The following ZNF709 variants were observed in gnomAD, a reference collection of about 807,000 sequenced individuals.
The protein encoded by ZNF709 is zinc finger protein 709.
Under a neutral mutation model 10.6 loss-of-function variants are expected in ZNF709, and 15 were observed. The observed-to-expected ratio is 1.41, with a 90% CI of 0.95 to 2.18. ZNF709 has a LOEUF of 2.18. Ranked by LOEUF, ZNF709 falls within the 30% of genes most tolerant of loss-of-function variation. The probability of loss-of-function intolerance (pLI) is 0.00; values close to 1 mark genes in which losing one functional copy is unlikely to be tolerated. For synonymous variants in ZNF709, 194 were observed against 238.8 expected, an observed-to-expected ratio of 0.81 and a Z score of 1.73; for missense variants, 589 against 774.0, an observed-to-expected ratio of 0.76 and a Z score of 2.84.
At chr19:12,483,307 A>ATTTT (rs35777030) in intron 1 of ZNF709, among the ~76,000 whole-genome samples, 40 of 95,222 alleles carry the variant, frequency 4.2e-4, no homozygotes, top group South Asian at 6.3e-4. Flanking sequence ...CGCCCAGCTA[A>ATTTT]TTTTTTTTTT....
chr19:12,469,908 A>T (rs1970620885), intron 1 of ZNF709, among the ~76,000 whole-genome samples: 1 of 152,292 alleles, frequency 6.6e-6, no homozygotes, highest in Non-Finnish European at 1.5e-5. Context: ...GTACCCTGAG[A>T]CTTAACGAAT....
At chr19:12,478,154 TCC>T (rs921322757) in intron 1 of ZNF709, among the ~76,000 whole-genome samples, 3 of 151,826 alleles carry the variant, frequency 2.0e-5, no homozygotes, top group African/African-American at 7.3e-5. Context: ...CAGCTGCCTT[TCC>T]CCCTCTCTTT....
In ZNF709 at chr19:12,461,326, T is replaced by C. The variant is rs910878913; in HGVS notation, c.*2670A>G. On this transcript the variant is annotated 3_prime_UTR_variant, in exon 4 of 4. Coordinates refer to ENST00000397732, the MANE Select transcript of ZNF709 (RefSeq NM_152601.4). ...TTGTTCAACAAAAACATACACATGGTTTTTAATCACATATAATGAAACAAA... is the reference window on the plus strand; with the variant it reads ...TTGTTCAACAAAAACATACACATGGCTTTTAATCACATATAATGAAACAAA... 6 of 152,178 alleles carry C rather than the reference T, an allele frequency of 3.9e-5. No homozygotes were observed. The South Asian group carries it at 1.2e-3, about 32-fold the overall frequency. 9.4% of individuals were successfully genotyped at this position (152,178 alleles called of 1,614,324 possible).
Position 12,465,212 on chromosome 19 carries a change from C to G in ZNF709, c.710G>C (p.Ser237Thr), listed in dbSNP as rs1269251232. The G allele has an allele frequency of 1.2e-6, 2 of 1,613,048 alleles. No homozygotes were observed. Among genetic ancestry groups the G allele is most frequent in the South Asian group, 2.2e-5 (2 of 91,042 alleles). Reference protein sequence around the residue: ...KECGKTFSHPSSFRNHERTHS... With the variant: ...KECGKTFSHPTSFRNHERTHS... The stretch of plus-strand genomic sequence containing the variant: ...AGTTCTTTCATGATTTCGAAAAGAA[C>G]TGGGATGACTGAACGTTTTCCCGCA... Residue 237 changes from serine (S) to threonine (T), a missense_variant, in exon 4 of 4, where the codon AGT (serine) becomes ACT (threonine). Physicochemically the swap from Ser to Thr is moderately conservative, Grantham distance 58. Around this residue, in one of 2 missense-constraint regions of ZNF709, gnomAD observed 418 missense variants for 496.3 expected, o/e 0.84. Transcript: ENST00000397732.
chr19:12,484,531 A>G (rs1970761497), intron 1 of ZNF709, 124 bp downstream of exon 1: 2 of 1,329,206 alleles, frequency 1.5e-6, no homozygotes, highest in Non-Finnish European at 2.1e-6. Flanking sequence ...CTGCGCCAGG[A>G]GGACTCGGGT....
intron 1 of ZNF709, among the ~76,000 whole-genome samples, chr19:12,468,084 C>T (rs1356056132): frequency 6.6e-6 from 1 of 150,464 alleles, no homozygotes; most frequent in Non-Finnish European, 1.5e-5. Context: ...GGGGTCAGCC[C>T]CCGCCCGGCC....
chr19:12,481,209 A>C (rs945767798), intron 1 of ZNF709: 2 of 983,390 alleles, frequency 2.0e-6, no homozygotes, highest in African/African-American at 1.7e-5. Flanking sequence ...AAAGAAACAA[A>C]TATTCTGTTT....
chr19:12,465,768 G>C, intron 3 of ZNF709, 35 bp from the exon 4 acceptor site: 2 of 1,393,294 alleles, frequency 1.4e-6, no homozygotes, highest in Non-Finnish European at 1.9e-6. Context: ...CGCACAATTA[G>C]TGGCTTTTTA....
intron 1 of ZNF709, among the ~76,000 whole-genome samples, chr19:12,481,754 T>A (rs1170327800): frequency 1.3e-5 from 2 of 150,184 alleles, no homozygotes; most frequent in Admixed American, 6.6e-5. Flanking sequence ...TACAAAAAAT[T>A]TACAAATTCA....
chr19:12,469,661 C>T (rs1970618321), intron 1 of ZNF709, among the ~76,000 whole-genome samples: 1 of 151,824 alleles, frequency 6.6e-6, no homozygotes, highest in South Asian at 2.1e-4. Flanking sequence ...CCCAGCTACT[C>T]AGGAGGCTGA....
chr19:12,484,437 C>A (rs1970760099), intron 1 of ZNF709, among the ~76,000 whole-genome samples: 2 of 152,194 alleles, frequency 1.3e-5, no homozygotes, highest in Admixed American at 1.3e-4. Flanking sequence ...GGGCCGCAGT[C>A]GCCGCGCAGG....
chr19:12,463,904 G>T lies in ZNF709; in HGVS notation c.*92C>A. 1 of 1,159,934 alleles carries T rather than the reference G, an allele frequency of 8.6e-7. No individual in the cohort carries two copies. The highest frequency in any genetic ancestry group is 1.1e-6 in the Non-Finnish European group (1 of 877,162). The allele number at this position is 1,159,934 out of a possible 1,614,324, so 71.9% of individuals were successfully genotyped here. On this transcript the variant is annotated 3_prime_UTR_variant, in exon 4 of 4. Coordinates refer to ENST00000397732, the MANE Select transcript of ZNF709 (RefSeq NM_152601.4). ...ATCACTCTACTGCACTCCAGCCAGG[G>T]CAACAGAGTGAGAATTCAACTCAAA...
intron 1 of ZNF709, among the ~76,000 whole-genome samples, chr19:12,467,941 G>GC (rs1387123990): frequency 1.3e-5 from 2 of 151,600 alleles, no homozygotes; most frequent in East Asian, 3.9e-4. Context: ...GTGGGGGTCA[G>GC]CCCCCGCACG....
intron 1 of ZNF709, among the ~76,000 whole-genome samples, chr19:12,472,795 A>G (rs1436563631): frequency 6.6e-6 from 1 of 151,658 alleles, no homozygotes; most frequent in East Asian, 1.9e-4. Context: ...AGACACGAGG[A>G]TTGCTTGAGC....
In ZNF709 at chr19:12,466,502, T is replaced by C. The variant is rs769667285; in HGVS notation, c.148A>G (p.Lys50Glu). Residue 50 changes from lysine to glutamate, a missense_variant, in exon 3 of 4, where the codon AAG becomes GAG. Around this residue, in one of 2 missense-constraint regions of ZNF709, gnomAD observed 418 missense variants for 496.3 expected, o/e 0.84. Coordinates refer to ENST00000397732, the MANE Select transcript of ZNF709 (RefSeq NM_152601.4). ...TGATTTTTGTGATCTTCAATGTTCT[T>C]CTCCTCCCAGTTTTCCCCTAAAATG... ...LASIGENWEE[K>E]NIEDHKNQGR... 2 of 1,614,072 alleles carry C rather than the reference T, an allele frequency of 1.2e-6. No homozygotes were observed. Among genetic ancestry groups the C allele is most frequent in the South Asian group, 2.2e-5 (2 of 91,080 alleles).
intron 1 of ZNF709, among the ~76,000 whole-genome samples, chr19:12,477,857 C>G (rs1970689284): frequency 6.6e-6 from 1 of 152,044 alleles, no homozygotes; most frequent in Non-Finnish European, 1.5e-5. Context: ...TATATTTTGA[C>G]AGCAAAATCC....
chr19:12,466,895 G>A (rs375199124), intron 1 of ZNF709, 45 bp from the exon 2 acceptor site: 479 of 1,587,502 alleles, frequency 3.0e-4, no homozygotes, highest in Non-Finnish European at 4.0e-4. Flanking sequence ...GAGACTGACA[G>A]CACTGGGGAT....
chr19:12,480,983 C>T (rs1047900165), intron 1 of ZNF709, among the ~76,000 whole-genome samples: 1 of 151,394 alleles, frequency 6.6e-6, no homozygotes, highest in African/African-American at 2.4e-5. Context: ...AGGGTTTCGC[C>T]ATGTTGCCCA....
intron 1 of ZNF709, among the ~76,000 whole-genome samples, chr19:12,470,132 G>C (rs947260682): frequency 1.3e-5 from 2 of 152,120 alleles, no homozygotes; most frequent in African/African-American, 4.8e-5. Flanking sequence ...TCTCATTTTA[G>C]GCTCCCGTGA....
Sources: gnomAD v4.1 joint callset for allele counts (sites outside exome capture counted in the v4.1 genomes callset) on GRCh38, gnomAD v4.1.1 for gene constraint, gnomAD v4.1.1 regional missense constraint, MANE v1.5 for transcripts, NCBI Gene and HGNC (gene_info 2026-07-23, HGNC 2026-07-21) for gene names.